The following FMN2 variants were observed in gnomAD, a reference collection of about 807,000 sequenced individuals.
The protein encoded by FMN2 is formin 2.
In FMN2, 51 loss-of-function variants were observed where a neutral mutation model predicts 142.3. The observed-to-expected ratio is 0.36, with a 90% confidence interval of 0.29 to 0.45. FMN2 has a LOEUF of 0.45. Among genes scored for constraint, FMN2 ranks in the 20% least tolerant of loss-of-function variants. The probability of loss-of-function intolerance (pLI) is 1.00; values close to 1 mark genes in which losing one functional copy is unlikely to be tolerated. For synonymous variants in FMN2, 882 were observed against 869.8 expected, an observed-to-expected ratio of 1.01 and a Z score of -0.25; for missense variants, 1,936 against 2,122.8, an observed-to-expected ratio of 0.91 and a Z score of 1.73.
At chr1:240,355,643 C>A (rs1672239140) in intron 13 of FMN2, among the ~76,000 whole-genome samples, 173 bp from the exon 14 acceptor site, 3 of 152,096 alleles carry the variant, frequency 2.0e-5, no homozygotes, top group African/African-American at 7.2e-5. Flanking sequence ...TAAAAGGAAG[C>A]CTTGATCATC....
chr1:240,457,819 G>C (rs1275805229), intron 16 of FMN2: 3 of 152,416 alleles, frequency 2.0e-5, no homozygotes, highest in South Asian at 2.1e-4. Flanking sequence ...ATTCGGAGAG[G>C]GAGCATTGGG....
chr1:240,117,906 G>C (rs1265581499), intron 1 of FMN2, among the ~76,000 whole-genome samples: 3 of 152,188 alleles, frequency 2.0e-5, no homozygotes, highest in Non-Finnish European at 4.4e-5. Context: ...GCTCTCTGAA[G>C]AATAAAGTGG....
chr1:240,275,006 A>G (rs576464532), intron 7 of FMN2, among the ~76,000 whole-genome samples: 1 of 152,038 alleles, frequency 6.6e-6, no homozygotes, highest in African/African-American at 2.4e-5. Context: ...GCTGAGACAA[A>G]GTGCATGAAC....
intron 14 of FMN2, among the ~76,000 whole-genome samples, chr1:240,388,877 AGG>A (rs1245822995): frequency 4.4e-5 from 6 of 135,768 alleles, no homozygotes; most frequent in African/African-American, 1.7e-4. Flanking sequence ...AAAAAAAAAA[AGG>A]GGGGGGGTCA....
At chr1:240,272,158 A>G (rs1669039738) in intron 7 of FMN2, among the ~76,000 whole-genome samples, 1 of 152,120 alleles carries the variant, frequency 6.6e-6, no homozygotes, top group Non-Finnish European at 1.5e-5. Flanking sequence ...TGTGAGCCTG[A>G]AGACAGCCCA....
intron 2 of FMN2, among the ~76,000 whole-genome samples, chr1:240,175,600 T>TCCTCCCATGTTAA (rs59658085): frequency 6.6e-6 from 1 of 151,730 alleles, no homozygotes; most frequent in East Asian, 1.9e-4. Flanking sequence ...GCTCAAGTGA[T>TCCTCCCATGTTAA]CCTCCCAAGT....
At chr1:240,446,610 G>T (rs1466699951) in intron 16 of FMN2, among the ~76,000 whole-genome samples, 4 of 152,184 alleles carry the variant, frequency 2.6e-5, no homozygotes, top group Non-Finnish European at 5.9e-5. Context: ...CAAGCTAGAT[G>T]ACGTTATTTT....
intron 14 of FMN2, among the ~76,000 whole-genome samples, chr1:240,369,665 G>A (rs769462240): frequency 6.6e-5 from 10 of 152,070 alleles, no homozygotes; most frequent in South Asian, 4.2e-4. Context: ...CCTTTCAGCC[G>A]CCTGGAGGCC....
chr1:240,257,903 T>G (rs1216259250), intron 6 of FMN2, 42 bp from the exon 7 acceptor site: 1 of 1,548,304 alleles, frequency 6.5e-7, no homozygotes, highest in Non-Finnish European at 8.9e-7. Context: ...CATATTGGAG[T>G]TCAAATTAAC....
intron 14 of FMN2, among the ~76,000 whole-genome samples, chr1:240,388,487 AAG>A (rs1393068147): frequency 1.3e-5 from 2 of 152,048 alleles, no homozygotes; most frequent in Admixed American, 6.6e-5. Flanking sequence ...TGCAAAGTAT[AAG>A]CATTTACAAA....
intron 15 of FMN2, among the ~76,000 whole-genome samples, chr1:240,429,073 G>C (rs1572298556): frequency 6.6e-6 from 1 of 151,960 alleles, no homozygotes; most frequent in East Asian, 1.9e-4. Context: ...ATTAACTCTT[G>C]TGTTACTTCT....
Position 240,254,179 on chromosome 1 carries a change from C to T in FMN2, c.4066-3766C>T, listed in dbSNP as rs918277751. 6.4e-4 allele frequency among the ~76,000 whole-genome samples: 98 copies of T among 151,944 alleles called. 1 individual carries two copies. The highest frequency in any genetic ancestry group is 1.9e-4 in the African/African-American group (8 of 41,342). On this transcript the variant is annotated intron_variant, in intron 6 of 17. Transcript: ENST00000319653. ...AGGCAGTGGGCATCGTGCTGAGGGA[C>T]GCAGTAGTAGTGGTGAGACAAGCCT... is the stretch of plus-strand genomic sequence containing the variant.
At chr1:240,357,607 C>CG (rs1558450252) in intron 14 of FMN2, among the ~76,000 whole-genome samples, 2 of 140,252 alleles carry the variant, frequency 1.4e-5, no homozygotes, top group Non-Finnish European at 3.0e-5. Flanking sequence ...AACAACCTTA[C>CG]GGGTTTTTTT....
chr1:240,151,757 A>G (rs974551894), intron 2 of FMN2, among the ~76,000 whole-genome samples: 2 of 151,846 alleles, frequency 1.3e-5, no homozygotes, highest in African/African-American at 4.8e-5. Context: ...AGAGGGGCCA[A>G]TGGACTTTTT....
chr1:240,451,545 TC>T (rs1676045992), intron 16 of FMN2, among the ~76,000 whole-genome samples: 1 of 151,944 alleles, frequency 6.6e-6, no homozygotes, highest in Admixed American at 6.6e-5. Context: ...ATTGGCGTGT[TC>T]CCCAGGAGGA....
At chr1:240,262,055 G>A (rs1668651532) in intron 7 of FMN2, among the ~76,000 whole-genome samples, 1 of 152,012 alleles carries the variant, frequency 6.6e-6, no homozygotes, top group Admixed American at 6.6e-5. Flanking sequence ...TGAATGGGTT[G>A]GTTCCCCTGC....
intron 15 of FMN2, among the ~76,000 whole-genome samples, chr1:240,430,041 GTGCCCTGCTAACGT>G (rs907710782): frequency 1.3e-5 from 2 of 151,664 alleles, no homozygotes; most frequent in Non-Finnish European, 2.9e-5. Context: ...GCCCACCACC[GTGCCCTGCTAACGT>G]TTTGTGTTTT....
chr1:240,187,269 CAAAAAAAAAAA>C (rs10610560), intron 3 of FMN2, among the ~76,000 whole-genome samples: 7 of 83,794 alleles, frequency 8.4e-5, no homozygotes, highest in Non-Finnish European at 1.1e-4. Flanking sequence ...AACTCCATCT[CAAAAAAAAAAA>C]AAAAAAAAAA....
chr1:240,132,693 C>G (rs905551594), intron 2 of FMN2, among the ~76,000 whole-genome samples: 1 of 152,102 alleles, frequency 6.6e-6, no homozygotes, highest in South Asian at 2.1e-4. Flanking sequence ...GCTGATACCC[C>G]TGGGTGATAC....
Sources: allele counts gnomAD v4.1 joint callset (sites outside exome capture counted in the v4.1 genomes callset), GRCh38; gene constraint gnomAD v4.1.1; transcripts MANE v1.5; gene names NCBI Gene and HGNC (gene_info 2026-07-23, HGNC 2026-07-21).